Variants in MAP9 observed in about 807,000 individuals in gnomAD.
The protein encoded by MAP9 is microtubule-associated protein 9.
In MAP9, 80 loss-of-function variants were observed where a neutral mutation model predicts 75.2. The observed-to-expected ratio is 1.06, with a 90% CI of 0.89 to 1.28. MAP9 has a LOEUF of 1.28. MAP9 is among the 50% of genes most tolerant of loss of function. The pLI is 0.00. For synonymous variants in MAP9, 235 were observed against 237.3 expected, an observed-to-expected ratio of 0.99 and a Z score of 0.09; for missense variants, 753 against 719.9, an observed-to-expected ratio of 1.05 and a Z score of -0.53.
chr4:155,355,266 G>T, intron 9 of MAP9, 106 bp from the exon 10 acceptor site: 1 of 432,300 alleles, frequency 2.3e-6, no homozygotes, highest in Non-Finnish European at 4.0e-6. Flanking sequence ...ATTTTCTAAA[G>T]TATACTATTC....
At position 155,344,394 on chromosome 4, in the gene MAP9, A is replaced by G. The variant is rs1184124830; in HGVS notation, c.*3389T>C. The G allele has an allele frequency of 6.6e-6, 1 of 152,026 alleles. No homozygotes were observed. Among genetic ancestry groups the G allele is most frequent in the Non-Finnish European group, 1.5e-5 (1 of 67,906 alleles). The allele number at this position is 152,026 out of a possible 1,614,324, so 9.4% of individuals were successfully genotyped here. On this transcript the variant is annotated 3_prime_UTR_variant, in exon 14 of 14. Coordinates refer to ENST00000311277, the MANE Select transcript of MAP9 (RefSeq NM_001039580.2). ...ACTGAGATCTAACTCTAGATGTACC[A>G]TAGTTAGTTGTATGAGATTGGACAA... is the stretch of plus-strand genomic sequence containing the variant.
At chr4:155,369,525 A>C (rs903626040) in intron 4 of MAP9, among the ~76,000 whole-genome samples, 20 of 152,174 alleles carry the variant, frequency 1.3e-4, no homozygotes, top group African/African-American at 4.8e-4. Context: ...TAAAATGAGG[A>C]GGCTCATCCA....
At chr4:155,356,042 C>G (rs1731768422) in intron 8 of MAP9, among the ~76,000 whole-genome samples, 158 bp from the exon 9 acceptor site, 1 of 152,172 alleles carries the variant, frequency 6.6e-6, no homozygotes, top group African/African-American at 2.4e-5. Flanking sequence ...GGGTGGATGA[C>G]TTGAGCTCAT....
chr4:155,348,958 C>T (rs185207051), intron 13 of MAP9, among the ~76,000 whole-genome samples: 40 of 148,290 alleles, frequency 2.7e-4, no homozygotes, highest in African/African-American at 8.3e-4. Flanking sequence ...TGGTCCCTGT[C>T]CCCCAGGGAA....
chr4:155,359,387 A>C lies in MAP9; in HGVS notation c.1050+781T>G, dbSNP rs141650347. The stretch of plus-strand genomic sequence containing the variant: ...TCTCACTTACAAGTCAGAGCTAAAT[A>C]ATGTGTACACATGTATATAGGGTAT... On this transcript the variant is annotated intron_variant, in intron 7 of 13. Coordinates refer to ENST00000311277, the MANE Select transcript of MAP9 (RefSeq NM_001039580.2). Among the ~76,000 whole-genome samples, 618 of 152,128 alleles carry C rather than the reference A, an allele frequency of 4.1e-3. 8 individuals carry two copies. Among genetic ancestry groups the C allele is most frequent in the South Asian group, 8.3e-3 (40 of 4,834 alleles).
At chr4:155,376,531 G>A (rs1732854746) in intron 1 of MAP9, 1 of 152,362 alleles carries the variant, frequency 6.6e-6, no homozygotes, top group Non-Finnish European at 1.5e-5. Context: ...CGCCCATAGC[G>A]TTGTGCGCCC....
intron 3 of MAP9, among the ~76,000 whole-genome samples, chr4:155,374,287 C>A: frequency 6.6e-6 from 1 of 151,952 alleles, no homozygotes; most frequent in Non-Finnish European, 1.5e-5. Context: ...TGCAGTGAGC[C>A]GAGATTGCAC....
Position 155,345,650 on chromosome 4 carries a change from A to C in MAP9, c.*2133T>G, listed in dbSNP as rs758673309. 2 of 152,166 alleles carry C rather than the reference A, an allele frequency of 1.3e-5. No individual in the cohort carries two copies. Among genetic ancestry groups the C allele is most frequent in the African/African-American group, 4.8e-5 (2 of 41,472 alleles). The allele number at this position is 152,166 out of a possible 1,614,324, so 9.4% of individuals were successfully genotyped here. A position where few individuals can be genotyped will look rare whatever the true frequency, so the allele number is the denominator to read the frequency against. Reference sequence around the variant, plus strand: ...AACAATGAACATTTAAGTCCTTATTATGTGTCAAATAGTTTACATTAATTA... The same window carrying C: ...AACAATGAACATTTAAGTCCTTATTCTGTGTCAAATAGTTTACATTAATTA... On this transcript the variant is annotated 3_prime_UTR_variant, in exon 14 of 14. Coordinates refer to ENST00000311277, the MANE Select transcript of MAP9 (RefSeq NM_001039580.2).
intron 11 of MAP9, 36 bp from the exon 12 acceptor site, chr4:155,353,093 A>G: frequency 6.5e-7 from 1 of 1,534,982 alleles, no homozygotes; most frequent in Non-Finnish European, 8.8e-7. Flanking sequence ...TACTGTGAAT[A>G]TTTGAAAATA....
Position 155,344,339 on chromosome 4 carries a change from G to A in MAP9, c.*3444C>T, listed in dbSNP as rs916885858. 1 of 151,922 alleles carries A rather than the reference G, an allele frequency of 6.6e-6. No individual in the cohort carries two copies. Among genetic ancestry groups the A allele is most frequent in the Non-Finnish European group, 1.5e-5 (1 of 67,874 alleles). The allele number at this position is 151,922 out of a possible 1,614,324, so 9.4% of individuals were successfully genotyped here. On this transcript the variant is annotated 3_prime_UTR_variant, in exon 14 of 14. Transcript: ENST00000311277. ...TTTATCAATATCGAAATTGTGGAAT[G>A]GTGAGCAGAATACAACTGGGACCCC...
chr4:155,373,584 T>G, intron 3 of MAP9, 128 bp from the exon 4 acceptor site: 2 of 569,064 alleles, frequency 3.5e-6, no homozygotes, highest in Non-Finnish European at 5.8e-6. Context: ...ACAAATGTAT[T>G]TTATAAATAG....
intron 6 of MAP9, 51 bp from the exon 7 acceptor site, chr4:155,360,466 G>A: frequency 6.6e-7 from 1 of 1,511,540 alleles, no homozygotes; most frequent in Admixed American, 1.9e-5. Flanking sequence ...AATTAATAAG[G>A]TAAATACTTG....
chr4:155,358,613 A>C (rs1376660399), intron 7 of MAP9, among the ~76,000 whole-genome samples: 6 of 152,106 alleles, frequency 3.9e-5, no homozygotes, highest in Non-Finnish European at 8.8e-5. Context: ...CTACACCATA[A>C]ATTTTTAAAG....
chr4:155,366,582 G>T (rs944004366), intron 5 of MAP9, among the ~76,000 whole-genome samples: 5 of 152,098 alleles, frequency 3.3e-5, no homozygotes, highest in Admixed American at 1.3e-4. Flanking sequence ...TGCCTATCAA[G>T]ATTTAGCACG....
intron 4 of MAP9, among the ~76,000 whole-genome samples, chr4:155,369,566 G>T (rs1303998476): frequency 2.0e-5 from 3 of 152,080 alleles, no homozygotes; most frequent in Non-Finnish European, 2.9e-5. Context: ...CCCTGTACAC[G>T]TTACTAAACC....
rs759005681 is a variant in MAP9 at position 155,362,133 on chromosome 4, G to T, written c.717C>A (p.Cys239Ter). ...GTGATGATGATGCTAGACTTGTTAAGCATGAATCCTGTTTTCGCAAAAAAA... is the reference window on the plus strand; with the variant it reads ...GTGATGATGATGCTAGACTTGTTAATCATGAATCCTGTTTTCGCAAAAAAA... ...FSENLDPEDSCLTSLASSSLK... is the reference protein window; with the variant it reads ...FSENLDPEDS The change falls in exon 6 of 14, where the codon TGC becomes TGA. Residue 239 changes from cysteine to a stop codon, truncating the protein, a stop_gained. Transcript: ENST00000311277. LOFTEE classifies it high-confidence loss of function. The T allele has an allele frequency of 1.3e-6, 2 of 1,566,570 alleles. No individual in the cohort carries two copies. Among genetic ancestry groups the T allele is most frequent in the Middle Eastern group, 1.7e-4 (1 of 5,822 alleles).
At chr4:155,362,427 C>G (rs980998577) in intron 5 of MAP9, 26 of 259,152 alleles carry the variant, frequency 1.0e-4, no homozygotes, top group African/African-American at 5.1e-4. Flanking sequence ...TTCAAAACTC[C>G]TATTACTTAA....
In MAP9 at chr4:155,346,819, C is replaced by G. The variant is rs1731302677; in HGVS notation, c.*964G>C. 6.6e-6 allele frequency: 1 copy of G among 152,470 alleles called. No homozygotes were observed. The highest frequency in any genetic ancestry group is 6.6e-5 in the Admixed American group (1 of 15,242). 9.4% of individuals were successfully genotyped at this position (152,470 alleles called of 1,614,324 possible). ...CAGATGACCAGGTCAAGTATGAGACCAGTTACTACGAGGACATGCAGAGAT... is the reference window on the plus strand; with the variant it reads ...CAGATGACCAGGTCAAGTATGAGACGAGTTACTACGAGGACATGCAGAGAT... On this transcript the variant is annotated 3_prime_UTR_variant, in exon 14 of 14. Transcript: ENST00000311277.
At chr4:155,361,128 C>T (rs1732059545) in intron 6 of MAP9, 2 of 151,994 alleles carry the variant, frequency 1.3e-5, no homozygotes, top group South Asian at 4.1e-4. Context: ...TGCAGCTAAA[C>T]CTGAATCTTT....
Sources: gnomAD v4.1 joint callset for allele counts (sites outside exome capture counted in the v4.1 genomes callset) on GRCh38, gnomAD v4.1.1 for gene constraint, MANE v1.5 for transcripts, NCBI Gene and HGNC (gene_info 2026-07-23, HGNC 2026-07-21) for gene names.